The following SLC8A1 variants were observed in gnomAD, a reference collection of about 807,000 sequenced individuals.
SLC8A1 encodes sodium/calcium exchanger 1.
In SLC8A1, 18 loss-of-function variants were observed where a neutral mutation model predicts 68.3. That is an observed-to-expected ratio of 0.26 (90% CI 0.18 to 0.39). SLC8A1 has a LOEUF of 0.39. Among genes scored for constraint, SLC8A1 ranks in the 10% least tolerant of loss-of-function variants. The pLI, the probability that SLC8A1 is intolerant of heterozygous loss-of-function variation, is 1.00. For synonymous variants in SLC8A1, 475 were observed against 415.5 expected, an observed-to-expected ratio of 1.14 and a Z score of -1.74; for missense variants, 985 against 1,156.7, an observed-to-expected ratio of 0.85 and a Z score of 2.15.
intron 2 of SLC8A1, among the ~76,000 whole-genome samples, chr2:40,371,085 T>A (rs1158179326): frequency 2.0e-5 from 3 of 152,076 alleles, no homozygotes; most frequent in African/African-American, 7.2e-5. Context: ...AGAAGGGATC[T>A]TTTCTAGCAA....
intron 2 of SLC8A1, among the ~76,000 whole-genome samples, chr2:40,194,493 G>C (rs1481670206): frequency 1.4e-5 from 2 of 147,106 alleles, no homozygotes; most frequent in Non-Finnish European, 3.0e-5. Flanking sequence ...GTGTGTGTGT[G>C]TGTGTGTGTG....
chr2:40,391,535 G>T (rs1685261565), intron 2 of SLC8A1, among the ~76,000 whole-genome samples: 1 of 151,958 alleles, frequency 6.6e-6, no homozygotes, highest in Non-Finnish European at 1.5e-5. Context: ...GAATTTGACA[G>T]GAACCATAAA....
At chr2:40,439,028 C>T (rs1700001065) in intron 1 of SLC8A1, among the ~76,000 whole-genome samples, 1 of 152,022 alleles carries the variant, frequency 6.6e-6, no homozygotes, top group Admixed American at 6.6e-5. Flanking sequence ...GCTGTGCTTT[C>T]CCTCTCACAG....
chr2:40,260,771 C>T (rs545224520), intron 2 of SLC8A1, among the ~76,000 whole-genome samples: 12 of 150,454 alleles, frequency 8.0e-5, no homozygotes, highest in African/African-American at 2.2e-4. Context: ...AGACTTCCTA[C>T]GTGTAACTAA....
chr2:40,224,509 C>A (rs1308926792), intron 2 of SLC8A1, among the ~76,000 whole-genome samples: 1 of 152,052 alleles, frequency 6.6e-6, no homozygotes, highest in Non-Finnish European at 1.5e-5. Flanking sequence ...TGCTAAGTGG[C>A]TTGAGGTTCA....
At chr2:40,443,368 G>A (rs972440320) in intron 1 of SLC8A1, among the ~76,000 whole-genome samples, 9 of 152,120 alleles carry the variant, frequency 5.9e-5, no homozygotes, top group African/African-American at 2.2e-4. Context: ...CAGAGTATTA[G>A]AAAAAGTTCA....
chr2:40,336,590 C>T (rs768741406), intron 2 of SLC8A1, among the ~76,000 whole-genome samples: 1 of 152,056 alleles, frequency 6.6e-6, no homozygotes, highest in African/African-American at 2.4e-5. Context: ...ACCTTTTCCC[C>T]TGGGAATCCT....
intron 2 of SLC8A1, among the ~76,000 whole-genome samples, chr2:40,378,263 G>C (rs984067806): frequency 6.6e-6 from 1 of 152,150 alleles, no homozygotes; most frequent in African/African-American, 2.4e-5. Flanking sequence ...ATTTCAGGAA[G>C]ATCTCTTGCA....
intron 2 of SLC8A1, among the ~76,000 whole-genome samples, chr2:40,373,592 C>T (rs1678857360): frequency 6.6e-6 from 1 of 152,008 alleles, no homozygotes. Context: ...ATTTAGCCTG[C>T]CGAACAATCC....
At chr2:40,367,928 T>C (rs1676792901) in intron 2 of SLC8A1, among the ~76,000 whole-genome samples, 1 of 152,058 alleles carries the variant, frequency 6.6e-6, no homozygotes, top group Non-Finnish European at 1.5e-5. Flanking sequence ...ACAGGACACT[T>C]GGTATTTTTC....
At chr2:40,489,898 T>C (rs919586565) in intron 1 of SLC8A1, among the ~76,000 whole-genome samples, 5 of 152,042 alleles carry the variant, frequency 3.3e-5, no homozygotes, top group African/African-American at 1.2e-4. Flanking sequence ...TGTCCCCTTA[T>C]TAAGAAGCCA....
At chr2:40,367,275 T>A (rs912898884) in intron 2 of SLC8A1, among the ~76,000 whole-genome samples, 2 of 152,008 alleles carry the variant, frequency 1.3e-5, no homozygotes, top group South Asian at 4.1e-4. Context: ...ATACTGAGTC[T>A]ATAGTTCAGA....
chr2:40,445,288 G>A (rs758408874), intron 1 of SLC8A1, among the ~76,000 whole-genome samples: 37 of 152,056 alleles, frequency 2.4e-4, no homozygotes, highest in Non-Finnish European at 4.1e-4. Flanking sequence ...GAGACCTTTA[G>A]TCTGAGGACC....
chr2:40,369,505 A>C (rs534193147), intron 2 of SLC8A1, among the ~76,000 whole-genome samples: 7 of 152,220 alleles, frequency 4.6e-5, no homozygotes, highest in African/African-American at 1.7e-4. Flanking sequence ...TAATGTTAAG[A>C]GTTCTGTCTG....
chr2:40,161,353 G>T lies in SLC8A1; in HGVS notation c.2062-489C>A, dbSNP rs536110655. On this transcript the variant is annotated intron_variant, in intron 5 of 7. Transcript: ENST00000406785. ...AGATAATGGAGTCTCCAGGTTGCCT[G>T]CTGCATGGTCATCAATAAATGGATT... Among the ~76,000 whole-genome samples the T allele has an allele frequency of 2.0e-5, 3 of 152,286 alleles. No homozygotes were observed. The South Asian group carries it at 6.2e-4, about 32-fold the overall frequency.
chr2:40,237,721 C>T (rs1436462212), intron 2 of SLC8A1, among the ~76,000 whole-genome samples: 2 of 151,812 alleles, frequency 1.3e-5, no homozygotes, highest in East Asian at 1.9e-4. Context: ...CTGTTTTTTC[C>T]CCATCTTTGT....
intron 7 of SLC8A1, among the ~76,000 whole-genome samples, chr2:40,132,342 T>C (rs2039550699): frequency 6.6e-6 from 1 of 152,156 alleles, no homozygotes; most frequent in Non-Finnish European, 1.5e-5. Context: ...AGTTTCTTCA[T>C]GTAACATGAG....
chr2:40,423,823 G>C (rs1696151570), intron 2 of SLC8A1, among the ~76,000 whole-genome samples: 1 of 151,854 alleles, frequency 6.6e-6, no homozygotes, highest in Non-Finnish European at 1.5e-5. Flanking sequence ...TTTTATAATA[G>C]CTATGCATTC....
At chr2:40,495,838 C>G (rs1394875081) in intron 1 of SLC8A1, among the ~76,000 whole-genome samples, 1 of 152,040 alleles carries the variant, frequency 6.6e-6, no homozygotes. Flanking sequence ...AAGTGACCCC[C>G]ATTTAAAGAA....
Sources: allele counts gnomAD v4.1 joint callset (sites outside exome capture counted in the v4.1 genomes callset), GRCh38; gene constraint gnomAD v4.1.1; transcripts MANE v1.5; gene names NCBI Gene and HGNC (gene_info 2026-07-23, HGNC 2026-07-21).